The following ANAPC4 variants were observed in gnomAD, a reference collection of about 807,000 sequenced individuals.
ANAPC4 encodes the protein anaphase-promoting complex subunit 4.
ANAPC4 carries 63 observed loss-of-function variants against 119.8 expected under a neutral mutation model. The ratio of observed to expected loss-of-function variants is 0.53; its 90% CI spans 0.43 to 0.65. The LOEUF is 0.65. Ranked by LOEUF, ANAPC4 falls within the 30% of genes least tolerant of loss-of-function variation. The pLI, the probability that ANAPC4 is intolerant of heterozygous loss-of-function variation, is 0.00. For missense variants in ANAPC4, 716 were observed against 945.1 expected, an observed-to-expected ratio of 0.76 and a Z score of 3.18; for synonymous variants, 283 against 318.6, an observed-to-expected ratio of 0.89 and a Z score of 1.19.
chr4:25,414,195 T>C (rs960006553), intron 22 of ANAPC4, 129 bp from the exon 23 acceptor site: 6 of 597,944 alleles, frequency 1.0e-5, no homozygotes, highest in Non-Finnish European at 1.7e-5. Flanking sequence ...TAACGTTTCT[T>C]ATGTACAAGG....
chr4:25,413,930 C>CGT (rs72141989), intron 22 of ANAPC4, 188 bp downstream of exon 22: 17,077 of 507,068 alleles, frequency 0.034, 153 homozygotes, highest in East Asian at 0.085. Context: ...TTCTTACACA[C>CGT]GTGTGTGTGT....
intron 10 of ANAPC4, 104 bp from the exon 11 acceptor site, chr4:25,393,701 A>T: frequency 1.7e-6 from 1 of 597,338 alleles, no homozygotes; most frequent in Non-Finnish European, 2.8e-6. Context: ...ATTGAAAGTA[A>T]ATTCTAGATT....
intron 2 of ANAPC4, among the ~76,000 whole-genome samples, chr4:25,378,025 A>G (rs1721504097): frequency 6.6e-6 from 1 of 152,216 alleles, no homozygotes; most frequent in African/African-American, 2.4e-5. Flanking sequence ...GCTGCCACAC[A>G]GGATATATTT....
rs550781929 is a variant in ANAPC4 at position 25,382,418 on chromosome 4, T to G, written c.236-843T>G. On this transcript the variant is annotated intron_variant, in intron 3 of 28. Coordinates refer to ENST00000315368, the MANE Select transcript of ANAPC4 (RefSeq NM_013367.3). The stretch of plus-strand genomic sequence containing the variant: ...TTTTGCTTGGAGTATATGTAGAATA[T>G]GTGTAAGATTAGAGGACTTTTATAA... Among the ~76,000 whole-genome samples the G allele has an allele frequency of 1.6e-3, 249 of 152,358 alleles. 2 individuals are homozygous for G. The highest frequency in any genetic ancestry group is 5.8e-3 in the African/African-American group (241 of 41,582).
intron 26 of ANAPC4, chr4:25,415,753 G>A (rs753584950): frequency 2.1e-5 from 9 of 436,220 alleles, no homozygotes; most frequent in African/African-American, 6.1e-5. Flanking sequence ...TATGTCGTAC[G>A]GTTTCCTATA....
rs773986195 is a variant in ANAPC4 at position 25,394,868 on chromosome 4, T to G, written c.1024T>G (p.Ser342Ala). ...TGGCCAGTCTATAGAGTCATCATACTCCAGTATACAAAAATTGGTCATAAG... is the reference window on the plus strand; with the variant it reads ...TGGCCAGTCTATAGAGTCATCATACGCCAGTATACAAAAATTGGTCATAAG... ...KLGQSIESSY[S>A]SIQKLVISHL... Residue 342 changes from serine (S) to alanine (A), a missense_variant, in exon 14 of 29, where the codon TCC (serine) becomes GCC (alanine). Ser to Ala is a moderately conservative substitution (Grantham distance 99). Around this residue, in one of 3 missense-constraint regions of ANAPC4, gnomAD observed 504 missense variants for 615.8 expected, o/e 0.82. Coordinates refer to ENST00000315368, the MANE Select transcript of ANAPC4 (RefSeq NM_013367.3). 1.6e-5 allele frequency: 26 copies of G among 1,613,420 alleles called. No homozygotes were observed. The highest frequency in any genetic ancestry group is 2.2e-5 in the Non-Finnish European group (26 of 1,179,798).
In ANAPC4 at chr4:25,406,843, T is replaced by G; in HGVS notation, c.1332T>G (p.Asp444Glu). The G allele has an allele frequency of 6.2e-7, 1 of 1,604,486 alleles. No homozygotes were observed. Among genetic ancestry groups the G allele is most frequent in the Non-Finnish European group, 8.5e-7 (1 of 1,176,214 alleles). ...LPELNKMTQK[D>E]ITFVAEFLTE... ...TTTGTTGATAGATGACTCAGAAAGA[T>G]ATCACATTTGTTGCTGAATTTCTTA... The change falls in exon 19 of 29, where the codon GAT becomes GAG. Residue 444 changes from aspartate (D) to glutamate (E), a missense_variant. By Grantham distance (45) the Asp-to-Glu change is conservative. This residue lies in a region of ANAPC4 where 504 missense variants were observed against 615.8 expected (regional missense o/e 0.82). Coordinates refer to ENST00000315368, the MANE Select transcript of ANAPC4 (RefSeq NM_013367.3).
chr4:25,388,951 T>C, intron 7 of ANAPC4, 69 bp downstream of exon 7: 3 of 1,287,632 alleles, frequency 2.3e-6, no homozygotes, highest in Non-Finnish European at 3.3e-6. Context: ...TTTCAGAAGC[T>C]TTAAGAGCAA....
At chr4:25,384,183 A>C (rs534562163) in intron 4 of ANAPC4, among the ~76,000 whole-genome samples, 1 of 152,304 alleles carries the variant, frequency 6.6e-6, no homozygotes, top group South Asian at 2.1e-4. Flanking sequence ...GCTCATCCCT[A>C]AGAAGCAACT....
chr4:25,394,034 C>A, intron 11 of ANAPC4, 143 bp downstream of exon 11: 1 of 754,456 alleles, frequency 1.3e-6, no homozygotes, highest in Non-Finnish European at 2.1e-6. Context: ...TGACTTCAAA[C>A]TGCTTCCTCA....
intron 2 of ANAPC4, among the ~76,000 whole-genome samples, chr4:25,378,551 G>A (rs539451286): frequency 5.0e-4 from 76 of 152,234 alleles, no homozygotes; most frequent in Non-Finnish European, 9.8e-4. Flanking sequence ...GAAGGTAGAC[G>A]GGAGGCACAT....
In ANAPC4 at chr4:25,405,045, G is replaced by C. The variant is rs1417131345; in HGVS notation, c.1271-528G>C. Reference sequence around the variant, plus strand: ...AACATACTTTGTCTTGACTTAGGTGGAACGTAATACAAAACACATAGTACT... The same window carrying C: ...AACATACTTTGTCTTGACTTAGGTGCAACGTAATACAAAACACATAGTACT... On this transcript the variant is annotated intron_variant, in intron 17 of 28. Transcript: ENST00000315368. This position sits in a 1 kb window ranked among gnomAD's most constrained non-coding sequence, Gnocchi z 4.6. Among the ~76,000 whole-genome samples, 3 of 151,630 alleles carry C rather than the reference G, an allele frequency of 2.0e-5. No homozygotes were observed. The highest frequency in any genetic ancestry group is 4.4e-5 in the Non-Finnish European group (3 of 67,952).
Position 25,393,888 on chromosome 4 carries a change from G to A in ANAPC4, c.873G>A (p.Val291=). The change falls in exon 11 of 29, where the codon GTG becomes GTA. Residue 291 remains valine, a synonymous_variant. Coordinates refer to ENST00000315368, the MANE Select transcript of ANAPC4 (RefSeq NM_013367.3). ...MQMDSRLTKF[V]QEKNTTTSVQ... is the part of the protein sequence containing the mutation. ...TGGATTCTCGTCTCACCAAGTTTGTGCAGGTAAAGCAGCTGAAGTTTCCCA... is the reference window on the plus strand; with the variant it reads ...TGGATTCTCGTCTCACCAAGTTTGTACAGGTAAAGCAGCTGAAGTTTCCCA... 6.2e-7 allele frequency: 1 copy of A among 1,605,516 alleles called. No homozygotes were observed. The highest frequency in any genetic ancestry group is 8.5e-7 in the Non-Finnish European group (1 of 1,175,898).
chr4:25,405,651 C>T lies in ANAPC4; in HGVS notation c.1317+32C>T. 2 of 1,605,472 alleles carry T rather than the reference C, an allele frequency of 1.2e-6. No homozygotes were observed. ...TGTACTAGTGCATTTTCACAGTGTT[C>T]ACATTGTCCTGCTTGAACTCAGCTG... On this transcript the variant is annotated intron_variant, in intron 18 of 28. Coordinates refer to ENST00000315368, the MANE Select transcript of ANAPC4 (RefSeq NM_013367.3). The surrounding 1 kb of genome is among the most constrained non-coding windows in gnomAD (Gnocchi z 4.6).
chr4:25,382,677 G>A (rs1721805627), intron 3 of ANAPC4, among the ~76,000 whole-genome samples: 1 of 152,182 alleles, frequency 6.6e-6, no homozygotes, highest in Non-Finnish European at 1.5e-5. Flanking sequence ...GCATGTGATG[G>A]TGATATGCAG....
Position 25,405,660 on chromosome 4 carries a change from C to T in ANAPC4, c.1317+41C>T, listed in dbSNP as rs1481013563. ...GCATTTTCACAGTGTTCACATTGTC[C>T]TGCTTGAACTCAGCTGTGCTGGTCA... On this transcript the variant is annotated intron_variant, in intron 18 of 28. Transcript: ENST00000315368. The surrounding 1 kb of genome is among the most constrained non-coding windows in gnomAD (Gnocchi z 4.6). 1.3e-6 allele frequency: 2 copies of T among 1,590,094 alleles called. No individual in the cohort carries two copies. The highest frequency in any genetic ancestry group is 1.1e-5 in the South Asian group (1 of 90,114).
Position 25,405,279 on chromosome 4 carries a change from C to T in ANAPC4, c.1271-294C>T, listed in dbSNP as rs563801138. Among the ~76,000 whole-genome samples, 2 of 152,150 alleles carry T rather than the reference C, an allele frequency of 1.3e-5. No individual in the cohort carries two copies. The highest frequency in any genetic ancestry group is 4.8e-5 in the African/African-American group (2 of 41,520). On this transcript the variant is annotated intron_variant, in intron 17 of 28. Coordinates refer to ENST00000315368, the MANE Select transcript of ANAPC4 (RefSeq NM_013367.3). This position sits in a 1 kb window ranked among gnomAD's most constrained non-coding sequence, Gnocchi z 4.6. ...GGTTAAAAGGAGGGATCCTTACACA[C>T]GTAGTCTTAGCACAGACAGCAGTTA... is the stretch of plus-strand genomic sequence containing the variant.
intron 16 of ANAPC4, among the ~76,000 whole-genome samples, chr4:25,397,545 C>G (rs1722724090): frequency 6.6e-6 from 1 of 152,164 alleles, no homozygotes; most frequent in East Asian, 1.9e-4. Context: ...GTAACTTTCT[C>G]AAAAAGCAGA....
chr4:25,383,484 T>C, intron 4 of ANAPC4, 91 bp downstream of exon 4: 2 of 1,219,100 alleles, frequency 1.6e-6, no homozygotes, highest in Non-Finnish European at 2.2e-6. Context: ...ATTGGGTGTA[T>C]GTGCGTTGTA....
Sources: allele counts gnomAD v4.1 joint callset (sites outside exome capture counted in the v4.1 genomes callset), GRCh38; gene constraint gnomAD v4.1.1; regional missense constraint gnomAD v4.1.1; non-coding constraint Gnocchi (gnomAD v3.1); transcripts MANE v1.5; gene names NCBI Gene and HGNC (gene_info 2026-07-23, HGNC 2026-07-21).